The following SUMF1 variants were observed in gnomAD, a reference collection of about 807,000 sequenced individuals.
The protein encoded by SUMF1 is sulfatase modifying factor 1.
SUMF1 carries 48 observed loss-of-function variants against 47.6 expected under a neutral mutation model. The observed-to-expected ratio is 1.01, with a 90% CI of 0.80 to 1.28. The LOEUF is 1.28. Ranked by LOEUF, SUMF1 falls within the 50% of genes most tolerant of loss-of-function variation. SUMF1 has a pLI of 0.00. For synonymous variants in SUMF1, 230 were observed against 192.1 expected (o/e 1.20, Z -1.63); for missense variants, 571 against 485.4 (o/e 1.18, Z -1.66).
chr3:4,305,513 GGAAA>G (rs1698156234), intron 8 of SUMF1, among the ~76,000 whole-genome samples: 1 of 152,044 alleles, frequency 6.6e-6, no homozygotes. Flanking sequence ...TCCTTGTTGT[GGAAA>G]GAAAGAAAAA....
At chr3:4,301,830 G>A (rs1437999616) in intron 8 of SUMF1, among the ~76,000 whole-genome samples, 2 of 152,230 alleles carry the variant, frequency 1.3e-5, no homozygotes, top group East Asian at 1.9e-4. Flanking sequence ...CTGAATATGC[G>A]TAACTGGATT....
chr3:4,088,675 G>A (rs1301190691), intron 8 of SUMF1, among the ~76,000 whole-genome samples: 2 of 152,026 alleles, frequency 1.3e-5, no homozygotes, highest in African/African-American at 2.4e-5. Context: ...TTCCCTCACT[G>A]TTGAGTCCCC....
chr3:4,172,712 G>GT (rs999770101), intron 8 of SUMF1, among the ~76,000 whole-genome samples: 14 of 151,940 alleles, frequency 9.2e-5, no homozygotes, highest in Middle Eastern at 3.4e-3. Context: ...GTTTTTTGGG[G>GT]TTTTTTCTTG....
chr3:4,356,976 C>G (rs2125165426), downstream of SUMF1, among the ~76,000 whole-genome samples: 1 of 141,666 alleles, frequency 7.1e-6, no homozygotes, highest in East Asian at 2.1e-4. Flanking sequence ...CTACACTTTC[C>G]AGTGTGTTAA....
At chr3:4,462,361 T>C (rs2079835239) in intron 1 of SUMF1, among the ~76,000 whole-genome samples, 1 of 152,148 alleles carries the variant, frequency 6.6e-6, no homozygotes, top group Admixed American at 6.5e-5. Context: ...AGAAGGGACA[T>C]TACCTGACAA....
chr3:4,165,832 A>C (rs1694688038), intron 8 of SUMF1, among the ~76,000 whole-genome samples: 1 of 148,198 alleles, frequency 6.7e-6, no homozygotes, highest in Non-Finnish European at 1.5e-5. Flanking sequence ...AGCTGAAAAA[A>C]AAAATGCCCG....
intron 8 of SUMF1, among the ~76,000 whole-genome samples, chr3:4,372,439 G>T (rs1017537622): frequency 6.6e-6 from 1 of 151,882 alleles, no homozygotes; most frequent in African/African-American, 2.4e-5. Context: ...TCCTTTTATT[G>T]ATTTTCACCT....
At chr3:4,349,418 C>T (rs573124721) in intron 8 of SUMF1, among the ~76,000 whole-genome samples, 31 of 152,280 alleles carry the variant, frequency 2.0e-4, no homozygotes, top group African/African-American at 7.2e-4. Flanking sequence ...TTGTGGAAGA[C>T]AGTATGGTGA....
At chr3:4,364,140 G>C (rs1256576123) in intron 8 of SUMF1, among the ~76,000 whole-genome samples, 2 of 140,988 alleles carry the variant, frequency 1.4e-5, no homozygotes, top group African/African-American at 5.1e-5. Flanking sequence ...ATTTTATTGA[G>C]GATTTTTGCA....
chr3:4,257,852 C>T (rs1229582387), intron 8 of SUMF1, among the ~76,000 whole-genome samples: 2 of 151,494 alleles, frequency 1.3e-5, no homozygotes, highest in Non-Finnish European at 3.0e-5. Context: ...CGCTACCTGA[C>T]TTCAAACTAT....
chr3:4,071,413 T>C (rs1162495275), intron 8 of SUMF1, among the ~76,000 whole-genome samples: 2 of 152,154 alleles, frequency 1.3e-5, no homozygotes, highest in African/African-American at 2.4e-5. Flanking sequence ...CATGAGAGAC[T>C]GTAACAGGAG....
At chr3:4,156,548 T>C (rs1694456430) in intron 8 of SUMF1, among the ~76,000 whole-genome samples, 1 of 151,578 alleles carries the variant, frequency 6.6e-6, no homozygotes, top group Admixed American at 6.6e-5. Context: ...AGAAGTAGAC[T>C]CTAGAATTGA....
intron 8 of SUMF1, chr3:4,317,032 C>T (rs1390248298): frequency 1.3e-5 from 20 of 1,549,214 alleles, no homozygotes; most frequent in East Asian, 2.4e-5. Context: ...CCTCATCCAC[C>T]GTATTCACCT....
At chr3:4,287,635 C>T (rs1252196626) in intron 8 of SUMF1, among the ~76,000 whole-genome samples, 1 of 152,168 alleles carries the variant, frequency 6.6e-6, no homozygotes, top group African/African-American at 2.4e-5. Context: ...ATGTTGAAAC[C>T]ATGACCTACC....
At chr3:4,269,107 C>T (rs1049193328) in intron 8 of SUMF1, among the ~76,000 whole-genome samples, 3 of 152,242 alleles carry the variant, frequency 2.0e-5, no homozygotes, top group South Asian at 4.2e-4. Context: ...CCTCATACTG[C>T]TGTACAGCAA....
At chr3:4,249,270 G>A (rs775305067) in intron 8 of SUMF1, among the ~76,000 whole-genome samples, 1 of 152,062 alleles carries the variant, frequency 6.6e-6, no homozygotes, top group Non-Finnish European at 1.5e-5. Flanking sequence ...TATACAGACA[G>A]TCTTATTTTA....
chr3:4,221,419 GTGT>G (rs1696061254), intron 8 of SUMF1, among the ~76,000 whole-genome samples: 1 of 21,456 alleles, frequency 4.7e-5, no homozygotes, highest in Admixed American at 3.7e-4. Flanking sequence ...TTTGGGGTGT[GTGT>G]GTGTGTGTGT....
intron 6 of SUMF1, among the ~76,000 whole-genome samples, chr3:4,415,568 T>G (rs1238177599): frequency 6.6e-6 from 1 of 151,996 alleles, no homozygotes; most frequent in Non-Finnish European, 1.5e-5. Flanking sequence ...ATCCCAACAC[T>G]TTGGGAGGCT....
At chr3:4,147,248 T>A (rs1431715355) in intron 8 of SUMF1, among the ~76,000 whole-genome samples, 2 of 152,082 alleles carry the variant, frequency 1.3e-5, no homozygotes. Flanking sequence ...ATTGTGGAAG[T>A]CAGTGTGGCG....
Sources: allele counts gnomAD v4.1 joint callset (sites outside exome capture counted in the v4.1 genomes callset), GRCh38; gene constraint gnomAD v4.1.1; transcripts MANE v1.5; gene names NCBI Gene and HGNC (gene_info 2026-07-23, HGNC 2026-07-21).